ITGB8: variants seen among roughly 807,000 people sequenced by gnomAD.
The protein encoded by ITGB8 is integrin beta-8.
Under a neutral mutation model 89.5 loss-of-function variants are expected in ITGB8, and 30 were observed. That is an observed-to-expected ratio of 0.34 (90% CI 0.25 to 0.45). The LOEUF is 0.45. Among genes scored for constraint, ITGB8 ranks in the 20% least tolerant of loss-of-function variants. The pLI is 1.00. For missense variants in ITGB8, 836 were observed against 933.3 expected, an observed-to-expected ratio of 0.90 and a Z score of 1.36; for synonymous variants, 335 against 320.4, an observed-to-expected ratio of 1.05 and a Z score of -0.49.
chr7:20,351,490 G>T (rs1179060291), intron 1 of ITGB8, among the ~76,000 whole-genome samples: 2 of 152,178 alleles, frequency 1.3e-5, no homozygotes, highest in Admixed American at 1.3e-4. Flanking sequence ...TAAAGTGCTT[G>T]GCATAGGGCC....
chr7:20,378,516 C>CACAGCTATTCTGG (rs1786247024), intron 3 of ITGB8, among the ~76,000 whole-genome samples: 2 of 152,224 alleles, frequency 1.3e-5, no homozygotes, highest in Non-Finnish European at 2.9e-5. Context: ...GCTTGCTGTA[C>CACAGCTATTCTGG]TACACAGTAC....
At position 20,413,866 on chromosome 7, in the gene ITGB8, A is replaced by C. The variant is rs1009489834; in HGVS notation, c.*3869A>C. On this transcript the variant is annotated 3_prime_UTR_variant, in exon 14 of 14. Transcript: ENST00000222573. ...TTCTGTTATGTTGACTCAATATTTAATTTACAACTATCCTTATTTATATTG... is the reference window on the plus strand; with the variant it reads ...TTCTGTTATGTTGACTCAATATTTACTTTACAACTATCCTTATTTATATTG... 6.6e-6 allele frequency: 1 copy of C among 152,194 alleles called. No homozygotes were observed. 9.4% of individuals were successfully genotyped at this position (152,194 alleles called of 1,614,324 possible). A position where few individuals can be genotyped will look rare whatever the true frequency, so the allele number is the denominator to read the frequency against.
At chr7:20,345,027 C>T (rs1784877440) in intron 1 of ITGB8, among the ~76,000 whole-genome samples, 1 of 152,126 alleles carries the variant, frequency 6.6e-6, no homozygotes, top group Non-Finnish European at 1.5e-5. Context: ...AAGTATCTAG[C>T]ACCTTCTGTA....
intron 3 of ITGB8, among the ~76,000 whole-genome samples, chr7:20,372,172 T>C (rs7778168): frequency 0.93 from 141,307 of 152,294 alleles, 65,623 homozygotes; most frequent in East Asian, 0.99. Flanking sequence ...TTTTTAAATA[T>C]ATAAGTTTGA....
At chr7:20,349,099 T>G (rs1463942871) in intron 1 of ITGB8, among the ~76,000 whole-genome samples, 3 of 152,142 alleles carry the variant, frequency 2.0e-5, no homozygotes, top group Non-Finnish European at 4.4e-5. Context: ...TATAAGATAT[T>G]AAAGTATTAC....
At chr7:20,368,427 A>G (rs1253861499) in intron 3 of ITGB8, among the ~76,000 whole-genome samples, 1 of 152,176 alleles carries the variant, frequency 6.6e-6, no homozygotes, top group African/African-American at 2.4e-5. Context: ...AGATATTCCT[A>G]TAATTACACA....
intron 8 of ITGB8, 114 bp from the exon 9 acceptor site, chr7:20,398,746 G>A: frequency 3.1e-6 from 2 of 640,712 alleles, no homozygotes; most frequent in Middle Eastern, 3.1e-4. Context: ...TATAGAAACA[G>A]ACTCTTTGAT....
rs571255520 is a variant in ITGB8 at position 20,331,309 on chromosome 7, C to A, written c.-498C>A. 5.1e-5 allele frequency: 19 copies of A among 375,324 alleles called. No individual in the cohort carries two copies. Among genetic ancestry groups the A allele is most frequent in the Admixed American group, 3.2e-4 (7 of 21,942 alleles). 23.2% of individuals were successfully genotyped at this position (375,324 alleles called of 1,614,324 possible). On this transcript the variant is annotated 5_prime_UTR_variant, in exon 1 of 14. Transcript: ENST00000222573. ...GATGCGCCACAGACTTTTTTCCCCT[C>A]GACCTCGCCGGCGTCCCCTCCCACA... is the stretch of plus-strand genomic sequence containing the variant.
At chr7:20,395,006 AT>A in intron 8 of ITGB8, 21 bp downstream of exon 8, 2 of 1,433,822 alleles carry the variant, frequency 1.4e-6, no homozygotes, top group Non-Finnish European at 2.0e-6. Context: ...ATTAGATACA[AT>A]TTTTTAAATA....
chr7:20,378,232 G>A (rs948387981), intron 3 of ITGB8, among the ~76,000 whole-genome samples: 7 of 152,232 alleles, frequency 4.6e-5, no homozygotes, highest in South Asian at 4.2e-4. Flanking sequence ...AGTTCCCTGC[G>A]GGGACTACCG....
intron 1 of ITGB8, among the ~76,000 whole-genome samples, chr7:20,361,637 G>A (rs937949211): frequency 3.3e-5 from 5 of 152,112 alleles, no homozygotes; most frequent in South Asian, 4.1e-4. Flanking sequence ...TATGAATTTG[G>A]GGGGACACAC....
At position 20,361,281 on chromosome 7, in the gene ITGB8, G is replaced by C. The variant is rs10248520; in HGVS notation, c.128-2356G>C. Among the ~76,000 whole-genome samples the C allele has an allele frequency of 5.7e-3, 862 of 152,292 alleles. 9 individuals are homozygous for C. Among genetic ancestry groups the C allele is most frequent in the African/African-American group, 0.019 (805 of 41,564 alleles). Reference sequence around the variant, plus strand: ...TGAACTGAAATAGACTTAATTTCATGTTTCAGTTGAGTCAAGGCTACAAGT... The same window carrying C: ...TGAACTGAAATAGACTTAATTTCATCTTTCAGTTGAGTCAAGGCTACAAGT... On this transcript the variant is annotated intron_variant, in intron 1 of 13. Transcript: ENST00000222573.
At chr7:20,386,237 G>A (rs901061229) in intron 6 of ITGB8, among the ~76,000 whole-genome samples, 2 of 99,648 alleles carry the variant, frequency 2.0e-5, no homozygotes, top group Non-Finnish European at 3.7e-5. Flanking sequence ...TAAACACTAT[G>A]AGAACATTTT....
At chr7:20,392,029 G>T (rs1255158300) in intron 7 of ITGB8, among the ~76,000 whole-genome samples, 1 of 152,088 alleles carries the variant, frequency 6.6e-6, no homozygotes, top group Non-Finnish European at 1.5e-5. Context: ...TAATCTTGGT[G>T]GTGTCTGGAG....
At chr7:20,330,210 C>A (rs190647723), upstream of ITGB8, among the ~76,000 whole-genome samples, 1 of 152,296 alleles carries the variant, frequency 6.6e-6, no homozygotes, top group Non-Finnish European at 1.5e-5. Context: ...CGGGAACAGC[C>A]CCTGCAGACT....
chr7:20,399,088 T>A, intron 9 of ITGB8, 94 bp downstream of exon 9: 1 of 1,238,236 alleles, frequency 8.1e-7, no homozygotes. Context: ...AAATTTTACT[T>A]ACTACTGACT....
At chr7:20,350,850 C>T (rs1785090876) in intron 1 of ITGB8, among the ~76,000 whole-genome samples, 1 of 152,230 alleles carries the variant, frequency 6.6e-6, no homozygotes, top group Non-Finnish European at 1.5e-5. Context: ...TCAGAGCTGT[C>T]CCCTGGCAAA....
At chr7:20,375,934 T>C (rs1283352485) in intron 3 of ITGB8, among the ~76,000 whole-genome samples, 1 of 152,186 alleles carries the variant, frequency 6.6e-6, no homozygotes, top group African/African-American at 2.4e-5. Context: ...TAAAATTCTT[T>C]AGGTAAAATG....
intron 10 of ITGB8, among the ~76,000 whole-genome samples, chr7:20,403,661 T>C (rs745604943): frequency 1.3e-5 from 2 of 151,448 alleles, no homozygotes; most frequent in African/African-American, 4.9e-5. Context: ...GGTCCTACAG[T>C]AGAATCTGTG....
Sources: gnomAD v4.1 joint callset for allele counts (sites outside exome capture counted in the v4.1 genomes callset) on GRCh38, gnomAD v4.1.1 for gene constraint, MANE v1.5 for transcripts, NCBI Gene and HGNC (gene_info 2026-07-23, HGNC 2026-07-21) for gene names.